The following SLC9A7 variants were observed in gnomAD, a reference collection of about 807,000 sequenced individuals.
The protein encoded by SLC9A7 is solute carrier family 9 member A7.
A neutral mutation model predicts 52.6 loss-of-function variants in SLC9A7; 19 were observed. The ratio of observed to expected loss-of-function variants is 0.36; its 90% CI spans 0.25 to 0.53. The LOEUF is 0.53. Ranked by LOEUF, SLC9A7 falls within the 20% of genes least tolerant of loss-of-function variation. The pLI is 0.91. For synonymous variants in SLC9A7, 226 were observed against 252.1 expected, an observed-to-expected ratio of 0.90 and a Z score of 0.98; for missense variants, 455 against 597.9, an observed-to-expected ratio of 0.76 and a Z score of 2.49.
intron 11 of SLC9A7, chrX:46,646,804 T>C (rs764292263): frequency 9.8e-5 from 33 of 335,313 alleles, no homozygotes; most frequent in African/African-American, 8.4e-4. Flanking sequence ...CTGTAATCAG[T>C]ACCCATTTCC....
chrX:46,658,680 T>G (rs1273101123), intron 7 of SLC9A7, among the ~76,000 whole-genome samples: 1 of 111,045 alleles, frequency 9.0e-6, no homozygotes, highest in Non-Finnish European at 1.9e-5. Context: ...CAGGAAGAAG[T>G]TGAATCTCTG....
chrX:46,651,419 C>A lies in SLC9A7; in HGVS notation c.1148-15G>T. The A allele has an allele frequency of 8.6e-7, 1 of 1,165,571 alleles. No homozygotes were observed. Among genetic ancestry groups the A allele is most frequent in the Non-Finnish European group, 1.2e-6 (1 of 862,893 alleles). ...AGCTACAACACCTGTTAAAACATCC[C>A]CCCAAAAAAAATCAATGGAAAAAAA... On this transcript the variant is annotated splice_polypyrimidine_tract_variant and intron_variant, in intron 8 of 16. Transcript: ENST00000616978.
At chrX:46,675,859 C>T (rs968219696) in intron 3 of SLC9A7, among the ~76,000 whole-genome samples, 2 of 111,638 alleles carry the variant, frequency 1.8e-5, no homozygotes, top group Non-Finnish European at 3.8e-5. Flanking sequence ...TTTGTCCAAT[C>T]ACTTTTCTAC....
At chrX:46,742,886 C>T (rs1481929326) in intron 1 of SLC9A7, among the ~76,000 whole-genome samples, 2 of 110,536 alleles carry the variant, frequency 1.8e-5, no homozygotes, top group African/African-American at 3.3e-5. Context: ...CCTATCTCTA[C>T]AAAAAGTTCT....
chrX:46,751,158 G>A (rs1556287569), intron 1 of SLC9A7, among the ~76,000 whole-genome samples: 2 of 111,344 alleles, frequency 1.8e-5, no homozygotes, highest in Non-Finnish European at 3.8e-5. Context: ...TCATTTCCTT[G>A]CTTCATTCAT....
rs1417314222 is a variant in SLC9A7, at chrX:46,746,714, CTATGGAGA to C, written c.325+11983_325+11990del. On this transcript the variant is annotated intron_variant, in intron 1 of 16. Transcript: ENST00000616978. ...GTGGGAATGTATATTAATACAATCA[CTATGGAGA>C]ACAGTTTGGAGGTTCCTCAAGAACT... 2.7e-5 allele frequency among the ~76,000 whole-genome samples: 3 copies of C among 112,273 alleles called. No individual in the cohort carries two copies. The Admixed American group carries it at 2.8e-4, about 11-fold the overall frequency.
intron 1 of SLC9A7, among the ~76,000 whole-genome samples, chrX:46,683,770 A>C (rs1040891074): frequency 8.9e-6 from 1 of 112,306 alleles, no homozygotes; most frequent in African/African-American, 3.2e-5. Context: ...GGAAAATTTC[A>C]GACTTCTCTC....
chrX:46,682,960 A>ATTTTTGTTTTTTTT (rs1944236049), intron 1 of SLC9A7, among the ~76,000 whole-genome samples: 1 of 64,942 alleles, frequency 1.5e-5, no homozygotes, highest in Non-Finnish European at 2.8e-5. Context: ...CACCCGGCTA[A>ATTTTTGTTTTTTTT]TTTTTTTTTT....
At chrX:46,641,142 C>A (rs749727814) in intron 12 of SLC9A7, among the ~76,000 whole-genome samples, 3 of 112,277 alleles carry the variant, frequency 2.7e-5, no homozygotes, top group East Asian at 5.6e-4. Flanking sequence ...AAATGTCCTT[C>A]GAGGGGTAAA....
intron 1 of SLC9A7, among the ~76,000 whole-genome samples, chrX:46,720,914 C>T (rs946822010): frequency 1.4e-4 from 16 of 111,524 alleles, no homozygotes; most frequent in Non-Finnish European, 1.9e-5. Flanking sequence ...CAGAATAAAA[C>T]CTCTCAAAAA....
chrX:46,740,698 G>A (rs945953631), intron 1 of SLC9A7, among the ~76,000 whole-genome samples: 24 of 111,067 alleles, frequency 2.2e-4, no homozygotes, highest in African/African-American at 7.2e-4. Flanking sequence ...TAGCTTTAAT[G>A]GTGAAAAACT....
intron 15 of SLC9A7, among the ~76,000 whole-genome samples, chrX:46,618,642 A>G (rs1942991634): frequency 8.9e-6 from 1 of 112,515 alleles, no homozygotes; most frequent in Admixed American, 9.4e-5. Flanking sequence ...GTTCATCAAA[A>G]TATTCTATTT....
At chrX:46,714,400 C>T (rs926501435) in intron 1 of SLC9A7, among the ~76,000 whole-genome samples, 2 of 111,020 alleles carry the variant, frequency 1.8e-5, no homozygotes, top group Non-Finnish European at 3.8e-5. Flanking sequence ...ATATACATGC[C>T]TACTACGTTG....
rs576381827 is a variant in SLC9A7 at position 46,748,514 on chromosome X, G to A, written c.325+10191C>T. ...TTCAAAAGGTGGAAATAACCCGAGT[G>A]TCCACCAACTGATGAACAGATAAAT... is the stretch of plus-strand genomic sequence containing the variant. On this transcript the variant is annotated intron_variant, in intron 1 of 16. Transcript: ENST00000616978. 2.7e-4 allele frequency among the ~76,000 whole-genome samples: 28 copies of A among 104,311 alleles called. No individual in the cohort carries two copies. In the South Asian group the frequency reaches 0.013, roughly 47 times the overall value. 90.6% of individuals were successfully genotyped at this position (104,311 alleles called of 115,157 possible).
At chrX:46,711,379 A>G (rs1434728792) in intron 1 of SLC9A7, among the ~76,000 whole-genome samples, 4 of 112,172 alleles carry the variant, frequency 3.6e-5, no homozygotes, top group Non-Finnish European at 3.8e-5. Flanking sequence ...TTCATCATTG[A>G]ATTGACTGTC....
rs968218622 is a variant in SLC9A7, at chrX:46,602,410, T to G, written c.*4542A>C. On this transcript the variant is annotated 3_prime_UTR_variant, in exon 17 of 17. Coordinates refer to ENST00000616978, the MANE Select transcript of SLC9A7 (RefSeq NM_001257291.2). ...TTCTTTAAAATCAGATTCCAAATAG[T>G]CTAGAGGTCTGCTGCGAGCTCTAGA... is the stretch of plus-strand genomic sequence containing the variant. 1.8e-5 allele frequency: 2 copies of G among 111,573 alleles called. No homozygotes were observed. The highest frequency in any genetic ancestry group is 6.5e-5 in the African/African-American group (2 of 30,654). The allele number at this position is 111,573 out of a possible 1,213,427, so 9.2% of individuals were successfully genotyped here.
At chrX:46,744,748 A>G (rs907813847) in intron 1 of SLC9A7, among the ~76,000 whole-genome samples, 1 of 111,932 alleles carries the variant, frequency 8.9e-6, no homozygotes, top group Admixed American at 9.5e-5. Flanking sequence ...AGATATACAG[A>G]ATCTTAATTT....
intron 1 of SLC9A7, among the ~76,000 whole-genome samples, chrX:46,740,502 A>C (rs1276983661): frequency 8.9e-6 from 1 of 112,017 alleles, no homozygotes; most frequent in African/African-American, 3.2e-5. Flanking sequence ...CTTAGATATA[A>C]ACAAATTCAA....
chrX:46,642,649 GA>G (rs1466254363), intron 12 of SLC9A7, among the ~76,000 whole-genome samples: 1 of 111,827 alleles, frequency 8.9e-6, no homozygotes, highest in African/African-American at 3.3e-5. Context: ...AAGCGCTCTT[GA>G]AAAAGTCAAA....
Sources: allele counts gnomAD v4.1 joint callset (sites outside exome capture counted in the v4.1 genomes callset), GRCh38; gene constraint gnomAD v4.1.1; transcripts MANE v1.5; gene names NCBI Gene and HGNC (gene_info 2026-07-23, HGNC 2026-07-21).